MYOM1: variants seen among roughly 807,000 people sequenced by gnomAD.
The protein encoded by MYOM1 is myomesin-1.
Under a neutral mutation model 205.3 loss-of-function variants are expected in MYOM1, and 164 were observed. That is an observed-to-expected ratio of 0.80 (90% CI 0.70 to 0.91). MYOM1 has a LOEUF of 0.91. Ranked by LOEUF, MYOM1 falls within the 40% of genes least tolerant of loss-of-function variation. The probability of loss-of-function intolerance (pLI) is 0.00; values close to 1 mark genes in which losing one functional copy is unlikely to be tolerated. For missense variants in MYOM1, 2,011 were observed against 2,127.3 expected (o/e 0.95, Z 1.08); for synonymous variants, 772 against 789.4 (o/e 0.98, Z 0.37).
At chr18:3,158,806 G>T (rs532032405) in intron 10 of MYOM1, among the ~76,000 whole-genome samples, 6 of 152,064 alleles carry the variant, frequency 3.9e-5, no homozygotes, top group African/African-American at 1.4e-4. Context: ...TAGAGACAGG[G>T]TCTCACTGTG....
intron 14 of MYOM1, among the ~76,000 whole-genome samples, chr18:3,139,235 T>C (rs987753688): frequency 1.4e-4 from 21 of 152,244 alleles, no homozygotes; most frequent in Non-Finnish European, 1.8e-4. Context: ...ATCTTGGCTA[T>C]GTTCGTTCCT....
chr18:3,222,746 C>T (rs1055475907), upstream of MYOM1, among the ~76,000 whole-genome samples: 4 of 140,210 alleles, frequency 2.9e-5, no homozygotes, highest in Non-Finnish European at 2.9e-5. Flanking sequence ...AACAGGCATA[C>T]ACACACAGTT....
chr18:3,151,438 T>C (rs1035652900), intron 12 of MYOM1, among the ~76,000 whole-genome samples: 109 of 145,816 alleles, frequency 7.5e-4, no homozygotes, highest in African/African-American at 2.6e-3. Flanking sequence ...CTGAATAAAA[T>C]AAAATAAAAT....
chr18:3,098,279 A>T (rs908250683), intron 25 of MYOM1, among the ~76,000 whole-genome samples: 1 of 151,552 alleles, frequency 6.6e-6, no homozygotes, highest in Non-Finnish European at 1.5e-5. Context: ...TTTTATTTTT[A>T]TTTATTTTTA....
the MYOM1 span, among the ~76,000 whole-genome samples, chr18:3,241,260 T>A: frequency 6.6e-6 from 1 of 152,134 alleles, no homozygotes; most frequent in African/African-American, 2.4e-5. Flanking sequence ...GCCCCTCCCA[T>A]CACAGGACTG....
chr18:3,095,242 G>A (rs1240502928), intron 25 of MYOM1, among the ~76,000 whole-genome samples: 1 of 152,018 alleles, frequency 6.6e-6, no homozygotes, highest in Non-Finnish European at 1.5e-5. Context: ...TAGACCTCGT[G>A]TCCCTCACCT....
rs79149418 is a variant in MYOM1 at position 3,129,401 on chromosome 18, A to G, written c.2625T>C (p.Leu875=). Residue 875 remains leucine (L), a synonymous_variant, in exon 18 of 38, where the codon CTT becomes CTC. Transcript: ENST00000356443. ...SPPTFQKDAL[L]GSKPNKPSLP... Reference sequence around the variant, plus strand: ...GTGAAGGTTTGTTAGGTTTGCTGCCAAGCAAAGCATCTTTCTGGAAGGTTG... The same window carrying G: ...GTGAAGGTTTGTTAGGTTTGCTGCCGAGCAAAGCATCTTTCTGGAAGGTTG... 1,632 of 1,613,962 alleles carry G rather than the reference A, an allele frequency of 1.0e-3. 39 individuals carry two copies. In the East Asian group the frequency reaches 0.034, roughly 34 times the overall value.
At chr18:3,205,142 C>T (rs896800181) in intron 2 of MYOM1, among the ~76,000 whole-genome samples, 2 of 152,034 alleles carry the variant, frequency 1.3e-5, no homozygotes, top group African/African-American at 4.8e-5. Flanking sequence ...ATCAGAGAAA[C>T]TCCCTAAGGT....
chr18:3,133,738 C>G (rs1030216702), intron 16 of MYOM1, among the ~76,000 whole-genome samples: 2 of 152,116 alleles, frequency 1.3e-5, no homozygotes, highest in Non-Finnish European at 1.5e-5. Context: ...TGAACTCTTA[C>G]AATAGTTGGC....
the MYOM1 span, among the ~76,000 whole-genome samples, chr18:3,239,524 G>A: frequency 6.8e-4 from 103 of 152,172 alleles, no homozygotes; most frequent in African/African-American, 2.4e-3. Flanking sequence ...TGAGGCCAAC[G>A]CAGGCAGAGA....
intron 30 of MYOM1, 36 bp from the exon 31 acceptor site, chr18:3,085,168 G>A (rs780052773): frequency 1.5e-5 from 21 of 1,403,476 alleles, no homozygotes; most frequent in African/African-American, 7.5e-5. Flanking sequence ...TGCACCTTTC[G>A]TAGCCCCAGG....
chr18:3,215,328 A>G, intron 1 of MYOM1, 77 bp from the exon 2 acceptor site: 1 of 1,152,066 alleles, frequency 8.7e-7, no homozygotes. Context: ...ATCAATGTGT[A>G]AAAATCAATA....
rs1041274959 is a variant in MYOM1 at position 3,094,152 on chromosome 18, A to G, written c.3864+18T>C. 4.3e-6 allele frequency: 7 copies of G among 1,612,672 alleles called. No homozygotes were observed. Among genetic ancestry groups the G allele is most frequent in the African/African-American group, 1.3e-5 (1 of 74,906 alleles). On this transcript the variant is annotated intron_variant, in intron 26 of 37. Transcript: ENST00000356443. ...TCTACAATGATACATTAAAAAGTCTAAACAGTGTAAAACCTACCGGGCCTT... is the reference window on the plus strand; with the variant it reads ...TCTACAATGATACATTAAAAAGTCTGAACAGTGTAAAACCTACCGGGCCTT...
At chr18:3,184,542 T>C (rs942171171) in intron 5 of MYOM1, among the ~76,000 whole-genome samples, 2 of 152,226 alleles carry the variant, frequency 1.3e-5, no homozygotes, top group Non-Finnish European at 2.9e-5. Context: ...AGTTAACTAT[T>C]TTCCTAGTTG....
intron 17 of MYOM1, among the ~76,000 whole-genome samples, chr18:3,130,491 G>A (rs1009313388): frequency 6.6e-6 from 1 of 151,910 alleles, no homozygotes; most frequent in Non-Finnish European, 1.5e-5. Flanking sequence ...TTGCTTTGTT[G>A]TCCAGGGTGG....
rs763654239 is a variant in MYOM1 at position 3,126,856 on chromosome 18, A to G, written c.2836T>C (p.Phe946Leu). 9 of 1,612,932 alleles carry G rather than the reference A, an allele frequency of 5.6e-6. No individual in the cohort carries two copies. Among genetic ancestry groups the G allele is most frequent in the African/African-American group, 1.3e-5 (1 of 75,038 alleles). The change falls in exon 19 of 38, where the codon TTT becomes CTT. Residue 946 changes from phenylalanine to leucine, a missense_variant. Coordinates refer to ENST00000356443, the MANE Select transcript of MYOM1 (RefSeq NM_003803.4). ...PPCDITCLES[F>L]RDSMVLGWKQ... ...CATCCAAGAACCATTGAGTCACGAA[A>G]ACTTTCAAGACAGGTGATATCACAG...
Position 3,193,310 on chromosome 18 carries a change from ATATGTATATG to A in MYOM1, c.431+498_431+507del, listed in dbSNP as rs536588495. Among the ~76,000 whole-genome samples the A allele has an allele frequency of 8.0e-3, 1,186 of 148,248 alleles. 21 individuals are homozygous for A. The highest frequency in any genetic ancestry group is 0.027 in the African/African-American group (1,095 of 39,864). ...TATATATACATATACATACATATAT[ATATGTATATG>A]TACATATACATATATATGTACATAT... On this transcript the variant is annotated intron_variant, in intron 3 of 37. Coordinates refer to ENST00000356443, the MANE Select transcript of MYOM1 (RefSeq NM_003803.4).
intron 18 of MYOM1, among the ~76,000 whole-genome samples, chr18:3,128,655 A>C (rs2079830329): frequency 1.3e-5 from 2 of 151,978 alleles, no homozygotes; most frequent in Admixed American, 1.3e-4. Context: ...GTAGCTATTT[A>C]GATTATTATT....
At chr18:3,227,077 AT>A in the MYOM1 span, among the ~76,000 whole-genome samples, 1 of 152,132 alleles carries the variant, frequency 6.6e-6, no homozygotes, top group African/African-American at 2.4e-5. Flanking sequence ...CCCAAAGCCC[AT>A]TTTCTAACAT....
Sources: allele counts gnomAD v4.1 joint callset (sites outside exome capture counted in the v4.1 genomes callset), GRCh38; gene constraint gnomAD v4.1.1; transcripts MANE v1.5; gene names NCBI Gene and HGNC (gene_info 2026-07-23, HGNC 2026-07-21).